The following ATP13A4 variants were observed in gnomAD, a reference collection of about 807,000 sequenced individuals.
ATP13A4 encodes ATPase 13A4, also known as probable cation-transporting ATPase 13A4.
A neutral mutation model predicts 142.5 loss-of-function variants in ATP13A4; 114 were observed. The ratio of observed to expected loss-of-function variants is 0.80; its 90% CI spans 0.69 to 0.93. The LOEUF (loss-of-function observed/expected upper bound fraction) is 0.93. Ranked by LOEUF, ATP13A4 falls within the 40% of genes least tolerant of loss-of-function variation. ATP13A4 has a pLI of 0.00. For synonymous variants in ATP13A4, 488 were observed against 514.8 expected, an observed-to-expected ratio of 0.95 and a Z score of 0.70; for missense variants, 1,392 against 1,454.0, an observed-to-expected ratio of 0.96 and a Z score of 0.69.
intron 25 of ATP13A4, among the ~76,000 whole-genome samples, chr3:193,430,900 G>A (rs1158383868): frequency 6.6e-6 from 1 of 152,108 alleles, no homozygotes; most frequent in East Asian, 1.9e-4. Context: ...AAATGGGAAT[G>A]AGGAGAGGGC....
In ATP13A4 at chr3:193,434,001, G is replaced by A. The variant is rs1441249534; in HGVS notation, c.2770-84C>T. On this transcript the variant is annotated intron_variant, in intron 24 of 29. Coordinates refer to ENST00000342695, the MANE Select transcript of ATP13A4 (RefSeq NM_032279.4). The stretch of plus-strand genomic sequence containing the variant: ...TTGATTACATTTATTTTCTCACTGT[G>A]ACATAGGGTTTTTCAAGTAAATTAC... 3.5e-6 allele frequency: 4 copies of A among 1,133,412 alleles called. No individual in the cohort carries two copies. In the East Asian group the frequency reaches 9.4e-5, roughly 27 times the overall value. 70.2% of individuals were successfully genotyped at this position (1,133,412 alleles called of 1,614,324 possible).
Position 193,402,046 on chromosome 3 carries a change from C to T in ATP13A4, c.*606G>A, listed in dbSNP as rs66940628. ...CAGTTCCAGAGTGTCACCTGGATCA[C>T]GAAAGAAGCACTTGTGTGTTAAGGC... is the stretch of plus-strand genomic sequence containing the variant. On this transcript the variant is annotated 3_prime_UTR_variant, in exon 30 of 30. Coordinates refer to ENST00000342695, the MANE Select transcript of ATP13A4 (RefSeq NM_032279.4). 9,798 of 153,280 alleles carry T rather than the reference C, an allele frequency of 0.064. 404 individuals are homozygous for T. The highest frequency in any genetic ancestry group is 0.11 in the Middle Eastern group (31 of 294). 9.5% of individuals were successfully genotyped at this position (153,280 alleles called of 1,614,324 possible). A position where few individuals can be genotyped will look rare whatever the true frequency, so the allele number is the denominator to read the frequency against.
At position 193,422,038 on chromosome 3, in the gene ATP13A4, T is replaced by C. The variant is rs141379453; in HGVS notation, c.2843-7288A>G. Among the ~76,000 whole-genome samples, 111 of 149,746 alleles carry C rather than the reference T, an allele frequency of 7.4e-4. 4 individuals are homozygous for C. Among genetic ancestry groups the C allele is most frequent in the African/African-American group, 2.6e-3 (105 of 40,940 alleles). Reference sequence around the variant, plus strand: ...TAAAAAACAAGACTCATCTACATAATGCCTATAAAAGACTCACTTTATCCT... The same window carrying C: ...TAAAAAACAAGACTCATCTACATAACGCCTATAAAAGACTCACTTTATCCT... On this transcript the variant is annotated intron_variant, in intron 25 of 29. Coordinates refer to ENST00000342695, the MANE Select transcript of ATP13A4 (RefSeq NM_032279.4).
intron 1 of ATP13A4, among the ~76,000 whole-genome samples, chr3:193,551,275 T>G (rs1723547486): frequency 6.6e-6 from 1 of 152,112 alleles, no homozygotes; most frequent in South Asian, 2.1e-4. Context: ...TAGCCAGGCA[T>G]GGTGGCATGC....
At chr3:193,448,460 CA>C in intron 17 of ATP13A4, 130 bp from the exon 18 acceptor site, 3 of 1,195,040 alleles carry the variant, frequency 2.5e-6, no homozygotes, top group Non-Finnish European at 3.6e-6. Flanking sequence ...CTCAGCTTCC[CA>C]AGTAACTGGG....
chr3:193,442,399 C>A lies in ATP13A4; in HGVS notation c.2310G>T (p.Gly770=). 6.2e-7 allele frequency: 1 copy of A among 1,613,740 alleles called. No individual in the cohort carries two copies. Among genetic ancestry groups the A allele is most frequent in the Non-Finnish European group, 8.5e-7 (1 of 1,179,704 alleles). Residue 770 remains glycine (G), a synonymous_variant, in exon 19 of 30, where the codon GGG becomes GGT. Transcript: ENST00000342695. ...GGTCTGTGTTCAGGAGTACCTGATT[C>A]CCATACATAATGTGTTTCTTCTCTT... ...LVEEKKHIMY[G]NQDNYINIRD...
At chr3:193,583,418 C>T (rs1724610685) in intron 1 of ATP13A4, among the ~76,000 whole-genome samples, 1 of 71,402 alleles carries the variant, frequency 1.4e-5, no homozygotes, top group East Asian at 3.3e-4. Flanking sequence ...GGGAGACAGA[C>T]TCCATCTCGA....
chr3:193,571,795 A>G (rs972209008), intron 2 of ATP13A4, among the ~76,000 whole-genome samples: 5 of 152,194 alleles, frequency 3.3e-5, no homozygotes, highest in Admixed American at 3.3e-4. Context: ...TAACGCATCA[A>G]TCTAATGTGG....
At chr3:193,442,899 G>A (rs1396387351) in intron 18 of ATP13A4, among the ~76,000 whole-genome samples, 5 of 152,122 alleles carry the variant, frequency 3.3e-5, no homozygotes, top group African/African-American at 1.2e-4. Context: ...TCCACTTCCA[G>A]GCAAAATGGA....
At chr3:193,538,604 A>C (rs756092008) in intron 1 of ATP13A4, among the ~76,000 whole-genome samples, 2 of 152,000 alleles carry the variant, frequency 1.3e-5, no homozygotes, top group Non-Finnish European at 2.9e-5. Context: ...CACTCAGCCC[A>C]GGCCCTTTCA....
At chr3:193,518,377 C>A (rs1385823864) in intron 1 of ATP13A4, among the ~76,000 whole-genome samples, 1 of 152,086 alleles carries the variant, frequency 6.6e-6, no homozygotes. Flanking sequence ...AGCATCATAA[C>A]CTTTTTATAA....
intron 7 of ATP13A4, among the ~76,000 whole-genome samples, chr3:193,486,799 T>C (rs962189892): frequency 7.9e-5 from 12 of 152,168 alleles, no homozygotes; most frequent in Non-Finnish European, 1.5e-5. Flanking sequence ...ATAAAAATAA[T>C]GAAGAATCTT....
chr3:193,423,359 T>A (rs1715494048), intron 25 of ATP13A4, among the ~76,000 whole-genome samples: 1 of 149,292 alleles, frequency 6.7e-6, no homozygotes, highest in Non-Finnish European at 1.5e-5. Context: ...CCAAACTCAT[T>A]CTATGAGTCC....
At chr3:193,555,131 C>A, upstream of ATP13A4, 1 of 403,186 alleles carries the variant, frequency 2.5e-6, no homozygotes, top group Non-Finnish European at 4.7e-6. Flanking sequence ...CTGCCCAGTG[C>A]CTGCCAGCCT....
At chr3:193,583,248 C>T (rs774603812) in intron 1 of ATP13A4, among the ~76,000 whole-genome samples, 53 of 151,606 alleles carry the variant, frequency 3.5e-4, no homozygotes, top group Middle Eastern at 3.4e-3. Context: ...GCCTGGCCAA[C>T]GTGGCGAAAC....
intron 1 of ATP13A4, among the ~76,000 whole-genome samples, chr3:193,536,711 G>A (rs1722608172): frequency 6.6e-6 from 1 of 152,066 alleles, no homozygotes; most frequent in Admixed American, 6.6e-5. Flanking sequence ...TTTCTCTGTA[G>A]AAAATACCCA....
At chr3:193,583,033 T>C (rs1204525089) in intron 1 of ATP13A4, among the ~76,000 whole-genome samples, 1 of 145,226 alleles carries the variant, frequency 6.9e-6, no homozygotes, top group Non-Finnish European at 1.5e-5. Flanking sequence ...ATAAAAAATA[T>C]ATATGTATAA....
chr3:193,448,403 G>A (rs926495360), intron 17 of ATP13A4, 73 bp from the exon 18 acceptor site: 20 of 1,560,534 alleles, frequency 1.3e-5, no homozygotes, highest in African/African-American at 1.2e-4. Flanking sequence ...ACGGAGTCTC[G>A]CTCTGTCATC....
At chr3:193,458,768 A>G in intron 14 of ATP13A4, 1 of 576,924 alleles carries the variant, frequency 1.7e-6, no homozygotes, top group Non-Finnish European at 3.1e-6. Flanking sequence ...AACAGTACAG[A>G]GAGACAAGAA....
Sources: gnomAD v4.1 joint callset for allele counts (sites outside exome capture counted in the v4.1 genomes callset) on GRCh38, gnomAD v4.1.1 for gene constraint, MANE v1.5 for transcripts, NCBI Gene and HGNC (gene_info 2026-07-23, HGNC 2026-07-21) for gene names.